NCAM2: variants seen among roughly 807,000 people sequenced by gnomAD.
The protein encoded by NCAM2 is neural cell adhesion molecule 2, also known as N-CAM-2.
Under a neutral mutation model 98.1 loss-of-function variants are expected in NCAM2, and 30 were observed. The observed-to-expected ratio is 0.31, with a 90% CI of 0.23 to 0.41. The LOEUF is 0.41. Ranked by LOEUF, NCAM2 falls within the 10% of genes least tolerant of loss-of-function variation. The pLI is 1.00. For missense variants in NCAM2, 867 were observed against 1,005.8 expected (o/e 0.86, Z 1.87); for synonymous variants, 368 against 342.4 (o/e 1.07, Z -0.83).
intron 8 of NCAM2, among the ~76,000 whole-genome samples, chr21:21,371,416 T>C (rs1776778429): frequency 1.3e-5 from 2 of 151,796 alleles, no homozygotes; most frequent in African/African-American, 2.4e-5. Context: ...AGAATACCTA[T>C]AGAAGGCATC....
chr21:21,211,944 T>C (rs1445671794), intron 1 of NCAM2, among the ~76,000 whole-genome samples: 2 of 152,200 alleles, frequency 1.3e-5, no homozygotes, highest in African/African-American at 4.8e-5. Context: ...GGATCTATTG[T>C]ACATTGGTGA....
chr21:21,338,032 T>C (rs1042454210), intron 7 of NCAM2, among the ~76,000 whole-genome samples: 2 of 152,146 alleles, frequency 1.3e-5, no homozygotes, highest in Admixed American at 1.3e-4. Flanking sequence ...TGCACCCATA[T>C]GCATGTGCCT....
chr21:21,249,805 A>G (rs2071410569), intron 1 of NCAM2, among the ~76,000 whole-genome samples: 1 of 152,238 alleles, frequency 6.6e-6, no homozygotes, highest in South Asian at 2.1e-4. Context: ...TAAACTGTTC[A>G]TAGTCAAGTT....
chr21:21,037,329 T>C (rs1395816469), intron 1 of NCAM2, among the ~76,000 whole-genome samples: 1 of 152,228 alleles, frequency 6.6e-6, no homozygotes, highest in Non-Finnish European at 1.5e-5. Flanking sequence ...TGGAATGATA[T>C]TGGTTATAAA....
chr21:21,149,572 C>G (rs1045490033), intron 1 of NCAM2, among the ~76,000 whole-genome samples: 8 of 151,900 alleles, frequency 5.3e-5, no homozygotes, highest in Non-Finnish European at 1.2e-4. Flanking sequence ...CCCTTGCCCC[C>G]CACCCCCCGA....
intron 15 of NCAM2, among the ~76,000 whole-genome samples, chr21:21,492,733 C>G (rs1986936659): frequency 6.6e-6 from 1 of 151,774 alleles, no homozygotes; most frequent in African/African-American, 2.4e-5. Flanking sequence ...TTACAATTTG[C>G]ATAGCAGCTA....
intron 15 of NCAM2, among the ~76,000 whole-genome samples, chr21:21,492,216 C>G (rs528857744): frequency 2.0e-5 from 3 of 151,878 alleles, no homozygotes; most frequent in Non-Finnish European, 4.4e-5. Context: ...CTCAGTTTTC[C>G]TCCTATCTTT....
intron 10 of NCAM2, among the ~76,000 whole-genome samples, chr21:21,416,969 G>T (rs148848450): frequency 5.3e-5 from 8 of 151,866 alleles, no homozygotes; most frequent in African/African-American, 1.9e-4. Flanking sequence ...CATGATAAAA[G>T]GTTGCTTATT....
rs556006879 is a variant in NCAM2, at chr21:21,514,460, T to C, written c.2282+5405T>C. Among the ~76,000 whole-genome samples, 74 of 115,322 alleles carry C rather than the reference T, an allele frequency of 6.4e-4. 2 individuals are homozygous for C. The East Asian group carries it at 0.016, about 25-fold the overall frequency. The allele number at this position is 115,322 out of a possible 152,430, so 75.7% of individuals were successfully genotyped here. ...TGGCTGGGCAACAAGAGCAAAACTT[T>C]GTCTCAAAAAACAAAAAAAAAAAAA... On this transcript the variant is annotated intron_variant, in intron 16 of 17. Transcript: ENST00000400546.
chr21:21,446,941 A>G (rs147661790), intron 12 of NCAM2, among the ~76,000 whole-genome samples: 20,905 of 152,182 alleles, frequency 0.14, 1,463 homozygotes, highest in Middle Eastern at 0.16. Flanking sequence ...TCTCATGGAT[A>G]GGAAGAATCA....
chr21:21,367,439 T>C (rs1018190686), intron 8 of NCAM2, among the ~76,000 whole-genome samples: 3 of 152,000 alleles, frequency 2.0e-5, no homozygotes, highest in Non-Finnish European at 4.4e-5. Flanking sequence ...TGTCTTTTAC[T>C]AAATATATTA....
chr21:21,431,123 T>TTGTGTGTGTGTG (rs3037969), intron 11 of NCAM2, among the ~76,000 whole-genome samples: 16 of 141,238 alleles, frequency 1.1e-4, no homozygotes, highest in Admixed American at 2.9e-4. Context: ...TAATATATGT[T>TTGTGTGTGTGTG]TGTGTGTGTG....
chr21:21,077,772 G>C (rs2065709330), intron 1 of NCAM2, among the ~76,000 whole-genome samples: 1 of 152,018 alleles, frequency 6.6e-6, no homozygotes, highest in Non-Finnish European at 1.5e-5. Context: ...TTTAAAAATA[G>C]ATTATTTATA....
intron 1 of NCAM2, among the ~76,000 whole-genome samples, chr21:21,216,538 G>T (rs2069907392): frequency 6.6e-6 from 1 of 152,156 alleles, no homozygotes; most frequent in African/African-American, 2.4e-5. Context: ...TCTCTGAGTT[G>T]AACTTCTCCA....
intron 9 of NCAM2, chr21:21,385,540 GCA>G: frequency 1.4e-6 from 1 of 694,948 alleles, no homozygotes; most frequent in Non-Finnish European, 2.2e-6. Context: ...TACTGTAATA[GCA>G]CTAAACTTAA....
At position 21,284,372 on chromosome 21, in the gene NCAM2, A is replaced by G. The variant is rs770672000; in HGVS notation, c.309A>G (p.Gln103=). 133 of 1,612,134 alleles carry G rather than the reference A, an allele frequency of 8.2e-5. 2 individuals are homozygous for G. In the South Asian group the frequency reaches 1.5e-3, roughly 18 times the overall value. Residue 103 remains glutamine, a synonymous_variant, in exon 3 of 18, where the codon CAA becomes CAG. Coordinates refer to ENST00000400546, the MANE Select transcript of NCAM2 (RefSeq NM_004540.5). ...CQATDAKGQT[Q]EATVVLEIYQ... Reference sequence around the variant, plus strand: ...CAACAGATGCCAAAGGACAAACACAAGAAGCTACAGTAGTTTTGGAAATTT... The same window carrying G: ...CAACAGATGCCAAAGGACAAACACAGGAAGCTACAGTAGTTTTGGAAATTT...
intron 8 of NCAM2, among the ~76,000 whole-genome samples, chr21:21,345,276 C>G (rs1386009611): frequency 1.3e-5 from 2 of 151,902 alleles, no homozygotes; most frequent in Admixed American, 6.6e-5. Flanking sequence ...ACCAAATGAA[C>G]TAAATAAGAC....
chr21:21,049,036 G>T (rs2065053889), intron 1 of NCAM2, among the ~76,000 whole-genome samples: 1 of 125,474 alleles, frequency 8.0e-6, no homozygotes. Flanking sequence ...TTTTGAGACG[G>T]AGTCTCGCTC....
At chr21:21,522,117 CTAT>C (rs1456894907) in intron 16 of NCAM2, among the ~76,000 whole-genome samples, 2 of 146,612 alleles carry the variant, frequency 1.4e-5, no homozygotes, top group Admixed American at 1.4e-4. Flanking sequence ...TATATGAATA[CTAT>C]ATTTATATAT....
Sources: gnomAD v4.1 joint callset for allele counts (sites outside exome capture counted in the v4.1 genomes callset) on GRCh38, gnomAD v4.1.1 for gene constraint, MANE v1.5 for transcripts, NCBI Gene and HGNC (gene_info 2026-07-23, HGNC 2026-07-21) for gene names.